The following CRACD variants were observed in gnomAD, a reference collection of about 807,000 sequenced individuals.
The protein encoded by CRACD is capping protein-inhibiting regulator of actin dynamics.
A neutral mutation model predicts 106.8 loss-of-function variants in CRACD; 56 were observed. The ratio of observed to expected loss-of-function variants is 0.52; its 90% confidence interval spans 0.42 to 0.66. CRACD has a LOEUF of 0.66. Ranked by LOEUF, CRACD falls within the 30% of genes least tolerant of loss-of-function variation. CRACD has a pLI of 0.00. For synonymous variants in CRACD, 754 were observed against 670.8 expected (o/e 1.12, Z -1.92); for missense variants, 1,730 against 1,623.2 (o/e 1.07, Z -1.13).
At chr4:56,209,869 C>T (rs1738314322) in intron 2 of CRACD, among the ~76,000 whole-genome samples, 1 of 152,132 alleles carries the variant, frequency 6.6e-6, no homozygotes, top group Non-Finnish European at 1.5e-5. Context: ...CACAGGTAGT[C>T]ACGCAGCATC....
At chr4:56,254,211 T>G (rs1052540511) in intron 2 of CRACD, among the ~76,000 whole-genome samples, 6 of 152,196 alleles carry the variant, frequency 3.9e-5, no homozygotes, top group Non-Finnish European at 8.8e-5. Context: ...CAGGGCTGTT[T>G]CATCTACATG....
At position 56,297,518 on chromosome 4, in the gene CRACD, A is replaced by G. The variant is rs190262668; in HGVS notation, c.-16-696A>G. 2.6e-5 allele frequency among the ~76,000 whole-genome samples: 4 copies of G among 152,292 alleles called. No individual in the cohort carries two copies. In the East Asian group the frequency reaches 5.8e-4, roughly 22 times the overall value. The stretch of plus-strand genomic sequence containing the variant: ...CACTTGAGCCCAGGAGTTTGAGGCT[A>G]CATTGGGCCATGATCACACCACTGC... On this transcript the variant is annotated intron_variant, in intron 3 of 10. Transcript: ENST00000682029.
At chr4:56,090,959 A>G (rs1016607824) in intron 1 of CRACD, among the ~76,000 whole-genome samples, 3 of 152,198 alleles carry the variant, frequency 2.0e-5, no homozygotes, top group Non-Finnish European at 2.9e-5. Flanking sequence ...GTTCCTCAGA[A>G]TCTTTACAAT....
At chr4:56,227,504 GC>G (rs201260636) in intron 2 of CRACD, among the ~76,000 whole-genome samples, 2 of 128,326 alleles carry the variant, frequency 1.6e-5, no homozygotes, top group Admixed American at 1.7e-4. Flanking sequence ...GGTCTCCCTT[GC>G]CAAAAATTAC....
At chr4:56,103,044 G>A (rs1215332862) in intron 1 of CRACD, among the ~76,000 whole-genome samples, 2 of 152,132 alleles carry the variant, frequency 1.3e-5, no homozygotes, top group Admixed American at 6.5e-5. Flanking sequence ...TGAGAAAGTC[G>A]GAAACCGAGT....
intron 2 of CRACD, among the ~76,000 whole-genome samples, chr4:56,230,733 A>G (rs1169860268): frequency 6.6e-6 from 1 of 152,164 alleles, no homozygotes; most frequent in East Asian, 1.9e-4. Flanking sequence ...TAAACTTTCA[A>G]ATAAAGGTCT....
At chr4:56,286,826 C>T (rs1459096271) in intron 3 of CRACD, among the ~76,000 whole-genome samples, 1 of 151,646 alleles carries the variant, frequency 6.6e-6, no homozygotes, top group Non-Finnish European at 1.5e-5. Context: ...TCAAAAGGTC[C>T]GGGAAAACAA....
chr4:56,188,977 A>G (rs945632552), intron 2 of CRACD, among the ~76,000 whole-genome samples: 2 of 152,112 alleles, frequency 1.3e-5, no homozygotes, highest in African/African-American at 2.4e-5. Context: ...TCACCTAAGG[A>G]GTTCGAGACC....
At chr4:56,302,232 G>A (rs28436241) in intron 4 of CRACD, among the ~76,000 whole-genome samples, 29,723 of 152,092 alleles carry the variant, frequency 0.2, 5,434 homozygotes, top group African/African-American at 0.48. Context: ...CAGAAGCTTC[G>A]CACTTCGTTG....
At chr4:56,282,160 A>G (rs569549398) in intron 3 of CRACD, among the ~76,000 whole-genome samples, 5 of 152,308 alleles carry the variant, frequency 3.3e-5, no homozygotes, top group Admixed American at 2.6e-4. Flanking sequence ...ATCAATTGCA[A>G]TTGCCCCTGT....
At chr4:56,228,329 G>A (rs17751450) in intron 2 of CRACD, among the ~76,000 whole-genome samples, 51,740 of 151,938 alleles carry the variant, frequency 0.34, 10,519 homozygotes, top group East Asian at 0.78. Flanking sequence ...ACTTCAGTAC[G>A]TTAAACTTAA....
intron 3 of CRACD, among the ~76,000 whole-genome samples, chr4:56,272,738 C>CA (rs558180090): frequency 1.0e-3 from 154 of 151,834 alleles, no homozygotes; most frequent in African/African-American, 3.5e-3. Flanking sequence ...TAAAAAAGTA[C>CA]AAAAAAATTA....
intron 4 of CRACD, among the ~76,000 whole-genome samples, chr4:56,298,969 G>C (rs1744208829): frequency 1.3e-5 from 2 of 152,128 alleles, no homozygotes; most frequent in Admixed American, 6.5e-5. Flanking sequence ...TATAGGACTT[G>C]GATGAGAGGA....
intron 1 of CRACD, among the ~76,000 whole-genome samples, chr4:56,157,582 G>A (rs183870170): frequency 1.4e-3 from 217 of 152,226 alleles, no homozygotes; most frequent in Non-Finnish European, 2.5e-3. Context: ...ATCTCAGTGG[G>A]TTGCCTAAAG....
chr4:56,058,277 C>T (rs1732157026), intron 1 of CRACD, among the ~76,000 whole-genome samples: 1 of 152,158 alleles, frequency 6.6e-6, no homozygotes, highest in African/African-American at 2.4e-5. Context: ...ACCATGTTGA[C>T]TAGGCTGGTC....
intron 1 of CRACD, among the ~76,000 whole-genome samples, chr4:56,115,157 A>G (rs995037026): frequency 2.0e-5 from 3 of 152,184 alleles, no homozygotes; most frequent in African/African-American, 7.2e-5. Context: ...GTCTACCTCT[A>G]TAAAGGGACT....
chr4:56,172,281 A>G (rs534471087), intron 1 of CRACD, among the ~76,000 whole-genome samples: 2 of 152,278 alleles, frequency 1.3e-5, no homozygotes, highest in South Asian at 2.1e-4. Flanking sequence ...AACTGAAGCC[A>G]TCTTGATGGG....
intron 2 of CRACD, among the ~76,000 whole-genome samples, chr4:56,258,077 A>G (rs1239830429): frequency 6.6e-6 from 1 of 151,568 alleles, no homozygotes; most frequent in African/African-American, 2.4e-5. Context: ...TCAGAAAAAA[A>G]AACAAAAAAA....
intron 1 of CRACD, among the ~76,000 whole-genome samples, chr4:56,057,909 C>T (rs1732142385): frequency 1.1e-5 from 1 of 88,074 alleles, no homozygotes; most frequent in African/African-American, 6.9e-5. Flanking sequence ...AGCTCCGCCT[C>T]CCGGGTTCAC....
Sources: gnomAD v4.1 joint callset for allele counts (sites outside exome capture counted in the v4.1 genomes callset) on GRCh38, gnomAD v4.1.1 for gene constraint, MANE v1.5 for transcripts, NCBI Gene and HGNC (gene_info 2026-07-23, HGNC 2026-07-21) for gene names.